PDE4D: variants seen among roughly 807,000 people sequenced by gnomAD.
PDE4D encodes the protein 3',5'-cyclic-AMP phosphodiesterase 4D.
In PDE4D, 24 loss-of-function variants were observed where a neutral mutation model predicts 87.4. The ratio of observed to expected loss-of-function variants is 0.27; its 90% CI spans 0.20 to 0.39. The LOEUF (loss-of-function observed/expected upper bound fraction) is 0.39. Among genes scored for constraint, PDE4D ranks in the 10% least tolerant of loss-of-function variants. PDE4D has a pLI of 1.00. For missense variants in PDE4D, 714 were observed against 1,041.0 expected, an observed-to-expected ratio of 0.69 and a Z score of 4.32; for synonymous variants, 384 against 383.2, an observed-to-expected ratio of 1.00 and a Z score of -0.02.
intron 5 of PDE4D, among the ~76,000 whole-genome samples, chr5:59,077,390 G>T (rs1765863258): frequency 6.6e-6 from 1 of 151,264 alleles, no homozygotes; most frequent in African/African-American, 2.4e-5. Context: ...AATTTGTTTT[G>T]AATTGTAAAA....
chr5:60,377,693 A>T (rs1395795359), intron 1 of PDE4D, among the ~76,000 whole-genome samples: 1 of 152,226 alleles, frequency 6.6e-6, no homozygotes, highest in Non-Finnish European at 1.5e-5. Context: ...TGTACCTACC[A>T]GTAGTCATTA....
chr5:59,789,170 C>T (rs1405703468), intron 1 of PDE4D, among the ~76,000 whole-genome samples: 3 of 152,182 alleles, frequency 2.0e-5, no homozygotes, highest in African/African-American at 4.8e-5. Flanking sequence ...AAGAAATATG[C>T]TCAGATGGGC....
chr5:59,540,139 C>T (rs774646835), intron 1 of PDE4D, among the ~76,000 whole-genome samples: 6 of 152,086 alleles, frequency 3.9e-5, no homozygotes, highest in Admixed American at 2.0e-4. Flanking sequence ...CTGGGGAACA[C>T]GCTTTGAGAT....
intron 1 of PDE4D, among the ~76,000 whole-genome samples, chr5:60,474,105 CATATATATATATATAT>C (rs1158022321): frequency 0.015 from 458 of 31,000 alleles, 18 homozygotes; most frequent in South Asian, 0.032. Flanking sequence ...TTTGAGCTGC[CATATATATATATATAT>C]ATATATATAT....
At chr5:60,217,670 A>T (rs151244196) in intron 1 of PDE4D, among the ~76,000 whole-genome samples, 2,250 of 152,066 alleles carry the variant, frequency 0.015, 19 homozygotes, top group African/African-American at 0.032. Flanking sequence ...ATTTTTTTAC[A>T]TATTTATCAG....
intron 3 of PDE4D, among the ~76,000 whole-genome samples, chr5:59,913,339 G>A (rs905573558): frequency 6.6e-6 from 1 of 152,102 alleles, no homozygotes; most frequent in Admixed American, 6.5e-5. Flanking sequence ...TGCACTTCTG[G>A]CTGAATGGGG....
intron 1 of PDE4D, among the ~76,000 whole-genome samples, chr5:60,235,294 C>T (rs1583168347): frequency 6.6e-6 from 1 of 151,828 alleles, no homozygotes; most frequent in South Asian, 2.1e-4. Flanking sequence ...TCCCAAGAAG[C>T]ATCATATAGT....
intron 1 of PDE4D, among the ~76,000 whole-genome samples, chr5:59,523,462 G>A (rs554488270): frequency 6.6e-6 from 1 of 152,296 alleles, no homozygotes; most frequent in African/African-American, 2.4e-5. Flanking sequence ...CTGTGCTGGA[G>A]TTGGTTCACT....
chr5:59,892,088 G>C (rs1751039812), intron 1 of PDE4D, among the ~76,000 whole-genome samples: 2 of 152,274 alleles, frequency 1.3e-5, no homozygotes, highest in South Asian at 2.1e-4. Flanking sequence ...GTGTGGGGGA[G>C]GGGATTCACG....
chr5:60,089,948 G>A (rs962523473), intron 2 of PDE4D, among the ~76,000 whole-genome samples: 5 of 151,258 alleles, frequency 3.3e-5, no homozygotes, highest in African/African-American at 1.2e-4. Context: ...CTGGACACAT[G>A]CAAACCATGA....
intron 1 of PDE4D, among the ~76,000 whole-genome samples, chr5:59,707,172 C>A (rs1298720448): frequency 6.6e-6 from 1 of 152,082 alleles, no homozygotes; most frequent in Non-Finnish European, 1.5e-5. Flanking sequence ...ACATCACTAA[C>A]CAGAGATTTC....
chr5:59,317,758 C>T (rs1774018495), intron 1 of PDE4D, among the ~76,000 whole-genome samples: 1 of 152,092 alleles, frequency 6.6e-6, no homozygotes, highest in African/African-American at 2.4e-5. Context: ...AGCTCTAAAG[C>T]CCAAAGAATT....
chr5:59,587,763 G>T (rs1825383499), intron 1 of PDE4D, among the ~76,000 whole-genome samples: 2 of 152,172 alleles, frequency 1.3e-5, no homozygotes, highest in South Asian at 4.1e-4. Context: ...AAGCAAAAGG[G>T]GTTAAAGGAA....
chr5:59,988,761 A>G lies in PDE4D; in HGVS notation c.43-44T>C, dbSNP rs765676509. On this transcript the variant is annotated intron_variant, in intron 2 of 16. Coordinates refer to the PDE4D transcript ENST00000502484. ...AAAGTACATATAATCAACAAAAATC[A>G]CACTGTTTATCATTACATAATGGCT... The G allele has an allele frequency of 2.0e-5, 22 of 1,104,706 alleles. No individual in the cohort carries two copies. The East Asian group carries it at 5.0e-4, about 25-fold the overall frequency. The allele number at this position is 1,104,706 out of a possible 1,614,324, so 68.4% of individuals were successfully genotyped here. A position where few individuals can be genotyped will look rare whatever the true frequency, so the allele number is the denominator to read the frequency against.
intron 1 of PDE4D, among the ~76,000 whole-genome samples, chr5:59,515,399 G>A (rs532492976): frequency 2.6e-4 from 39 of 152,158 alleles, no homozygotes; most frequent in African/African-American, 9.4e-4. Flanking sequence ...GATCCCTCAG[G>A]GATTCATATT....
intron 2 of PDE4D, among the ~76,000 whole-genome samples, chr5:60,007,827 T>C (rs1346070233): frequency 6.6e-6 from 1 of 152,028 alleles, no homozygotes; most frequent in African/African-American, 2.4e-5. Flanking sequence ...TCCTACTACA[T>C]GGCAGGCACT....
At chr5:59,983,497 T>C (rs73761082) in intron 3 of PDE4D, among the ~76,000 whole-genome samples, 5,603 of 152,180 alleles carry the variant, frequency 0.037, 312 homozygotes, top group African/African-American at 0.13. Context: ...ATGTCTAGAA[T>C]ATACAAAGAG....
intron 5 of PDE4D, among the ~76,000 whole-genome samples, chr5:59,153,974 G>C (rs2153461463): frequency 6.6e-6 from 1 of 152,264 alleles, no homozygotes; most frequent in South Asian, 2.1e-4. Flanking sequence ...AAGAGTACAA[G>C]TAAATGAAGA....
At chr5:60,389,486 T>A (rs929130522) in intron 1 of PDE4D, among the ~76,000 whole-genome samples, 24 of 152,210 alleles carry the variant, frequency 1.6e-4, no homozygotes, top group African/African-American at 5.3e-4. Context: ...AAATGCACCC[T>A]GTTACAATCG....
Sources: allele counts gnomAD v4.1 joint callset (sites outside exome capture counted in the v4.1 genomes callset), GRCh38; gene constraint gnomAD v4.1.1; transcripts MANE v1.5; gene names NCBI Gene and HGNC (gene_info 2026-07-23, HGNC 2026-07-21).